The following COL4A4 variants were observed in gnomAD, a reference collection of about 807,000 sequenced individuals.
COL4A4 encodes collagen alpha-4(IV) chain.
Under a neutral mutation model 192.9 loss-of-function variants are expected in COL4A4, and 105 were observed. The ratio of observed to expected loss-of-function variants is 0.54; its 90% CI spans 0.46 to 0.64. The LOEUF (loss-of-function observed/expected upper bound fraction) is 0.64, where lower values mean the gene tolerates loss of function less well. Among genes scored for constraint, COL4A4 ranks in the 30% least tolerant of loss-of-function variants. The pLI is 0.00. For synonymous variants in COL4A4, 762 were observed against 769.9 expected, an observed-to-expected ratio of 0.99 and a Z score of 0.17; for missense variants, 1,967 against 2,169.3, an observed-to-expected ratio of 0.91 and a Z score of 1.85.
In COL4A4 at chr2:227,010,107, A is replaced by G. The variant is rs559580111; in HGVS notation, c.4522+206T>C. On this transcript the variant is annotated intron_variant, in intron 46 of 47. Coordinates refer to ENST00000396625, the MANE Select transcript of COL4A4 (RefSeq NM_000092.5). ...ATATACTTATTATAGCCAGATAATA[A>G]TTATAGCCAGAATGAGCTTCTTTGA... Among the ~76,000 whole-genome samples the G allele has an allele frequency of 3.3e-5, 5 of 152,378 alleles. No individual in the cohort carries two copies. The South Asian group carries it at 1.0e-3, about 32-fold the overall frequency.
At chr2:227,016,298 C>T (rs554080609) in intron 44 of COL4A4, among the ~76,000 whole-genome samples, 1 of 152,312 alleles carries the variant, frequency 6.6e-6, no homozygotes, top group African/African-American at 2.4e-5. Context: ...CCAGGAGTCA[C>T]GTGTTCATTC....
At chr2:227,134,263 TGC>T (rs2062671136) in intron 4 of COL4A4, among the ~76,000 whole-genome samples, 1 of 152,206 alleles carries the variant, frequency 6.6e-6, no homozygotes, top group Non-Finnish European at 1.5e-5. Context: ...CATCTGAGTC[TGC>T]CATCTCTGAC....
At chr2:227,071,667 A>C (rs971903462) in intron 25 of COL4A4, among the ~76,000 whole-genome samples, 1 of 152,122 alleles carries the variant, frequency 6.6e-6, no homozygotes, top group African/African-American at 2.4e-5. Flanking sequence ...AGTCTCAATA[A>C]ATTTTTTAAA....
At chr2:227,139,107 T>G (rs890358349) in intron 4 of COL4A4, among the ~76,000 whole-genome samples, 6 of 152,160 alleles carry the variant, frequency 3.9e-5, no homozygotes, top group African/African-American at 1.4e-4. Flanking sequence ...CCCAGAGGAC[T>G]CTTTCTCTCC....
intron 42 of COL4A4, among the ~76,000 whole-genome samples, chr2:227,027,649 A>G (rs1967234396): frequency 6.6e-6 from 1 of 151,262 alleles, no homozygotes; most frequent in Non-Finnish European, 1.5e-5. Context: ...ATATATATAT[A>G]TAGAAAAAAA....
At chr2:227,095,082 T>C (rs1439333027) in intron 19 of COL4A4, among the ~76,000 whole-genome samples, 1 of 152,138 alleles carries the variant, frequency 6.6e-6, no homozygotes, top group African/African-American at 2.4e-5. Flanking sequence ...TGGAAAGAAA[T>C]GGGTTTAGAG....
intron 4 of COL4A4, among the ~76,000 whole-genome samples, chr2:227,124,838 G>A (rs2125082811): frequency 6.6e-6 from 1 of 152,234 alleles, no homozygotes; most frequent in Non-Finnish European, 1.5e-5. Context: ...TAAAATTCAG[G>A]AAATAAATAC....
At chr2:227,131,664 G>T (rs2062478749) in intron 4 of COL4A4, among the ~76,000 whole-genome samples, 1 of 152,222 alleles carries the variant, frequency 6.6e-6, no homozygotes, top group Non-Finnish European at 1.5e-5. Context: ...TAAGCCCAGA[G>T]CCTGTGACTA....
intron 7 of COL4A4, among the ~76,000 whole-genome samples, chr2:227,116,102 A>C (rs1263303391): frequency 6.6e-6 from 1 of 152,242 alleles, no homozygotes; most frequent in Admixed American, 6.5e-5. Context: ...TCAGTCTCAA[A>C]TCCATCTCCT....
intron 22 of COL4A4, among the ~76,000 whole-genome samples, chr2:227,085,065 A>T: frequency 6.6e-6 from 1 of 151,634 alleles, no homozygotes; most frequent in Non-Finnish European, 1.5e-5. Context: ...CGGGAGGCAG[A>T]TGTTGCGGTG....
At chr2:227,153,084 C>T (rs944750334) in intron 1 of COL4A4, among the ~76,000 whole-genome samples, 14 of 152,060 alleles carry the variant, frequency 9.2e-5, no homozygotes, top group African/African-American at 2.4e-4. Flanking sequence ...GAGAGCCAAG[C>T]GAAAAGGAAA....
rs1369187879 is a variant in COL4A4, at chr2:227,157,840, TA to T, written c.-102+6166del. Among the ~76,000 whole-genome samples the T allele has an allele frequency of 7.2e-5, 11 of 151,990 alleles. 1 individual carries two copies. The East Asian group carries it at 1.9e-3, about 27-fold the overall frequency. ...TTCTATCAAACATTTAATGAAAAAATAATACCAGTTTTTTTATATCCTCTTT... is the reference window on the plus strand; with the variant it reads ...TTCTATCAAACATTTAATGAAAAAATATACCAGTTTTTTTATATCCTCTTT... On this transcript the variant is annotated intron_variant, in intron 1 of 47. Coordinates refer to ENST00000396625, the MANE Select transcript of COL4A4 (RefSeq NM_000092.5).
chr2:227,163,031 C>G (rs565263102), intron 1 of COL4A4, among the ~76,000 whole-genome samples: 4 of 152,316 alleles, frequency 2.6e-5, no homozygotes, highest in Admixed American at 2.6e-4. Flanking sequence ...AATCAGTGAC[C>G]AACTGCATGA....
chr2:227,080,325 T>G (rs2059255911), intron 24 of COL4A4, 118 bp downstream of exon 24: 1 of 947,426 alleles, frequency 1.1e-6, no homozygotes, highest in Non-Finnish European at 1.7e-6. Context: ...TGACTCTGAT[T>G]TATAGTATGT....
intron 4 of COL4A4, among the ~76,000 whole-genome samples, chr2:227,135,526 G>C (rs1265638516): frequency 1.3e-5 from 2 of 152,148 alleles, no homozygotes; most frequent in East Asian, 3.9e-4. Flanking sequence ...TTGGGGAAGA[G>C]GCTCCCCACT....
chr2:226,988,785 C>T, the COL4A4 span: 1 of 833,890 alleles, frequency 1.2e-6, no homozygotes, highest in Non-Finnish European at 1.4e-6. Flanking sequence ...ACAAACTGTT[C>T]TCTATTTTAG....
intron 37 of COL4A4, among the ~76,000 whole-genome samples, chr2:227,041,902 G>GAAAGA: frequency 6.6e-6 from 1 of 150,494 alleles, no homozygotes; most frequent in East Asian, 2.0e-4. Context: ...AAGAAAGAAA[G>GAAAGA]AAAGAAAGAA....
rs1405121369 is a variant in COL4A4 at position 227,007,295 on chromosome 2, T to C, written c.*30A>G. 1 of 1,614,164 alleles carries C rather than the reference T, an allele frequency of 6.2e-7. No homozygotes were observed. The highest frequency in any genetic ancestry group is 2.2e-5 in the East Asian group (1 of 44,886). Reference sequence around the variant, plus strand: ...GTCTTAGCCCCCTAGGAAGTTTCTCTTGGCCACGTGTTGGTGAATTTCGCA... The same window carrying C: ...GTCTTAGCCCCCTAGGAAGTTTCTCCTGGCCACGTGTTGGTGAATTTCGCA... On this transcript the variant is annotated 3_prime_UTR_variant, in exon 48 of 48. Transcript: ENST00000396625.
intron 27 of COL4A4, among the ~76,000 whole-genome samples, chr2:227,059,927 T>C (rs932625330): frequency 3.9e-5 from 6 of 152,018 alleles, no homozygotes; most frequent in Non-Finnish European, 8.8e-5. Flanking sequence ...TGCTTCAAGG[T>C]GTAAGGAGCC....
Sources: allele counts gnomAD v4.1 joint callset (sites outside exome capture counted in the v4.1 genomes callset), GRCh38; gene constraint gnomAD v4.1.1; transcripts MANE v1.5; gene names NCBI Gene and HGNC (gene_info 2026-07-23, HGNC 2026-07-21).